SAV1: variants seen among roughly 807,000 people sequenced by gnomAD.
SAV1 encodes the protein protein salvador homolog 1.
A neutral mutation model predicts 47.3 loss-of-function variants in SAV1; 23 were observed. That is an observed-to-expected ratio of 0.49 (90% confidence interval 0.35 to 0.69). The LOEUF (loss-of-function observed/expected upper bound fraction) is 0.69. SAV1 is among the 30% of genes least tolerant of loss of function. The pLI is 0.01. For synonymous variants in SAV1, 155 were observed against 159.2 expected (o/e 0.97, Z 0.20); for missense variants, 448 against 457.4 (o/e 0.98, Z 0.19).
chr14:50,665,517 A>T lies in SAV1; in HGVS notation c.197T>A (p.Val66Glu). The stretch of plus-strand genomic sequence containing the variant: ...AAGGAAACTCTGGTTTCTTGAAACT[A>T]CATCTCCAGAAGTTGAAAAGGCATT... ...SPNAFSTSGDVVSRNQSFLRT... is the reference protein window; with the variant it reads ...SPNAFSTSGDEVSRNQSFLRT... The change falls in exon 2 of 5, where the codon GTA becomes GAA. Residue 66 changes from valine (V) to glutamate (E), a missense_variant. By Grantham distance (121) the Val-to-Glu change is moderately radical (BLOSUM62 -2). Transcript: ENST00000324679. The T allele has an allele frequency of 6.2e-7, 1 of 1,614,106 alleles. No individual in the cohort carries two copies. The highest frequency in any genetic ancestry group is 2.2e-5 in the East Asian group (1 of 44,874).
At chr14:50,663,116 A>G (rs2039873777) in intron 2 of SAV1, 1 of 152,224 alleles carries the variant, frequency 6.6e-6, no homozygotes, top group Non-Finnish European at 1.5e-5. Context: ...CAGTCATTAA[A>G]ACCACTCATA....
intron 2 of SAV1, among the ~76,000 whole-genome samples, chr14:50,650,713 G>C (rs780429690): frequency 6.6e-5 from 10 of 152,162 alleles, no homozygotes; most frequent in Admixed American, 6.5e-5. Context: ...TAACAGCCTT[G>C]TGAGTGAACT....
At position 50,634,037 on chromosome 14, in the gene SAV1, A is replaced by G. The variant is rs928525189; in HGVS notation, c.*1146T>C. Reference sequence around the variant, plus strand: ...AAAAGTAATAATATACATTCGATTTAATGACCAAAAATTTTTTTTGAATCC... The same window carrying G: ...AAAAGTAATAATATACATTCGATTTGATGACCAAAAATTTTTTTTGAATCC... On this transcript the variant is annotated 3_prime_UTR_variant, in exon 5 of 5. Coordinates refer to ENST00000324679, the MANE Select transcript of SAV1 (RefSeq NM_021818.4). 3 of 299,634 alleles carry G rather than the reference A, an allele frequency of 1.0e-5. No homozygotes were observed. Among genetic ancestry groups the G allele is most frequent in the African/African-American group, 6.5e-5 (3 of 45,892 alleles). The allele number at this position is 299,634 out of a possible 1,614,324, so 18.6% of individuals were successfully genotyped here. A position where few individuals can be genotyped will look rare whatever the true frequency, so the allele number is the denominator to read the frequency against.
chr14:50,654,452 TTTTAG>T (rs1287229958), intron 2 of SAV1, among the ~76,000 whole-genome samples: 2 of 152,230 alleles, frequency 1.3e-5, no homozygotes, highest in African/African-American at 4.8e-5. Flanking sequence ...CCACTTCTTA[TTTTAG>T]TTTAGTTTGC....
Position 50,659,983 on chromosome 14 carries a change from C to T in SAV1, c.535+5196G>A, listed in dbSNP as rs144794035. Among the ~76,000 whole-genome samples, 124 of 152,372 alleles carry T rather than the reference C, an allele frequency of 8.1e-4. 2 individuals carry two copies. The highest frequency in any genetic ancestry group is 3.0e-3 in the African/African-American group (123 of 41,600). ...GTGATCTCACCTCCTGCAAACTCTTCTGCTAAGCTATAGGTTTAAACAGTA... is the reference window on the plus strand; with the variant it reads ...GTGATCTCACCTCCTGCAAACTCTTTTGCTAAGCTATAGGTTTAAACAGTA... On this transcript the variant is annotated intron_variant, in intron 2 of 4. Transcript: ENST00000324679.
intron 3 of SAV1, 74 bp downstream of exon 3, chr14:50,644,670 A>G: frequency 4.4e-6 from 6 of 1,370,520 alleles, no homozygotes; most frequent in Non-Finnish European, 5.9e-6. Context: ...ATTCTCTTAG[A>G]TGAAAATATC....
intron 2 of SAV1, among the ~76,000 whole-genome samples, chr14:50,646,283 T>G (rs1161289052): frequency 6.6e-6 from 1 of 152,258 alleles, no homozygotes; most frequent in Non-Finnish European, 1.5e-5. Flanking sequence ...TCTCTCCCTC[T>G]CTCTTGAAAG....
intron 4 of SAV1, chr14:50,637,631 AAAGG>A (rs1390635914): frequency 6.6e-6 from 1 of 151,572 alleles, no homozygotes; most frequent in Non-Finnish European, 1.5e-5. Flanking sequence ...AGTTTTGTCT[AAAGG>A]AAGAAAAAAT....
At chr14:50,651,833 G>C (rs1333035828) in intron 2 of SAV1, among the ~76,000 whole-genome samples, 1 of 152,072 alleles carries the variant, frequency 6.6e-6, no homozygotes, top group African/African-American at 2.4e-5. Flanking sequence ...GTCTCACTAT[G>C]TTGCCCAGGC....
At position 50,640,909 on chromosome 14, in the gene SAV1, T is replaced by G. The variant is rs1445625619; in HGVS notation, c.807-16A>C. The G allele has an allele frequency of 1.9e-6, 3 of 1,584,130 alleles. No individual in the cohort carries two copies. The highest frequency in any genetic ancestry group is 2.6e-6 in the Non-Finnish European group (3 of 1,163,896). On this transcript the variant is annotated splice_polypyrimidine_tract_variant and intron_variant, in intron 3 of 4. Coordinates refer to ENST00000324679, the MANE Select transcript of SAV1 (RefSeq NM_021818.4). ...CCGAGGTACACTAAGAAGAAAGGAG[T>G]GACATTCTTTAGGATAAAGGTCTTA...
At chr14:50,665,130 G>A in intron 2 of SAV1, 49 bp downstream of exon 2, 2 of 1,456,622 alleles carry the variant, frequency 1.4e-6, no homozygotes, top group South Asian at 1.5e-5. Flanking sequence ...CTTTTTAATT[G>A]ACATGTCAAT....
In SAV1 at chr14:50,635,318, T is replaced by C. The variant is rs1266019664; in HGVS notation, c.1017A>G (p.Leu339=). 6.2e-7 allele frequency: 1 copy of C among 1,614,164 alleles called. No homozygotes were observed. Among genetic ancestry groups the C allele is most frequent in the East Asian group, 2.2e-5 (1 of 44,874 alleles). Residue 339 remains leucine (L), a synonymous_variant, in exon 5 of 5, where the codon CTA becomes CTG. Transcript: ENST00000324679. ...CCAATTCTTTCATGAAGAGCAACTTTAGCATTCCCTGGTATGTATCCAGGT... is the reference window on the plus strand; with the variant it reads ...CCAATTCTTTCATGAAGAGCAACTTCAGCATTCCCTGGTATGTATCCAGGT... ...LADLDTYQGM[L]KLLFMKELEQ...
chr14:50,637,690 A>G (rs1381977470), intron 4 of SAV1: 3 of 105,302 alleles, frequency 2.8e-5, no homozygotes, highest in Non-Finnish European at 5.3e-5. Flanking sequence ...TTTTTTTTTT[A>G]AGAGATGAAG....
rs192287555 is a variant in SAV1, at chr14:50,647,129, A to G, written c.536-2115T>C. Among the ~76,000 whole-genome samples the G allele has an allele frequency of 5.7e-3, 869 of 152,338 alleles. 5 individuals are homozygous for G. The highest frequency in any genetic ancestry group is 9.4e-3 in the Non-Finnish European group (636 of 68,014). ...AGATCATATATCTAAATTTAAAACT[A>G]TAACGCTTTTACAAGAAAAAAATAG... is the stretch of plus-strand genomic sequence containing the variant. On this transcript the variant is annotated intron_variant, in intron 2 of 4. Coordinates refer to ENST00000324679, the MANE Select transcript of SAV1 (RefSeq NM_021818.4).
rs920467130 is a variant in SAV1 at position 50,637,265 on chromosome 14, T to A, written c.951-1881A>T. Reference sequence around the variant, plus strand: ...TTTTTAATGGGAAACTCCAACCACTTGTGAACATAAATTAGAGTGATACTG... The same window carrying A: ...TTTTTAATGGGAAACTCCAACCACTAGTGAACATAAATTAGAGTGATACTG... On this transcript the variant is annotated intron_variant, in intron 4 of 4. Transcript: ENST00000324679. 2.6e-5 allele frequency among the ~76,000 whole-genome samples: 4 copies of A among 152,194 alleles called. No homozygotes were observed. In the South Asian group the frequency reaches 8.3e-4, roughly 31 times the overall value.
intron 2 of SAV1, among the ~76,000 whole-genome samples, chr14:50,655,049 T>C (rs1020838461): frequency 3.9e-5 from 6 of 152,204 alleles, no homozygotes; most frequent in Admixed American, 2.6e-4. Flanking sequence ...AGCCTTTTGG[T>C]GAAACTGACC....
In SAV1 at chr14:50,668,257, C is replaced by T. The variant is rs2039923086; in HGVS notation, c.-290G>A. 7.7e-5 allele frequency: 1 copy of T among 12,984 alleles called. No homozygotes were observed. The highest frequency in any genetic ancestry group is 2.9e-3 in the East Asian group (1 of 350). The allele number at this position is 12,984 out of a possible 1,614,324, so 0.8% of individuals were successfully genotyped here. ...TGAGGAAAGCCCAGCGACGCCGGGC[C>T]AGGGCCAGGGCCATGGTCCGCCGCG... is the stretch of plus-strand genomic sequence containing the variant. On this transcript the variant is annotated 5_prime_UTR_variant, in exon 1 of 5. Coordinates refer to ENST00000324679, the MANE Select transcript of SAV1 (RefSeq NM_021818.4).
rs375244136 is a variant in SAV1 at position 50,661,601 on chromosome 14, T to C, written c.535+3578A>G. 7.2e-5 allele frequency among the ~76,000 whole-genome samples: 11 copies of C among 152,326 alleles called. No homozygotes were observed. The East Asian group carries it at 7.7e-4, about 11-fold the overall frequency. On this transcript the variant is annotated intron_variant, in intron 2 of 4. Transcript: ENST00000324679. ...TCTTAAGTCTTTAATCCATCTCAAG[T>C]TGAATTTGCATATGGTGAGACAAGG...
intron 2 of SAV1, among the ~76,000 whole-genome samples, chr14:50,648,971 T>C (rs560048171): frequency 8.2e-4 from 125 of 152,188 alleles, no homozygotes; most frequent in Non-Finnish European, 1.3e-3. Flanking sequence ...TTGTATAACT[T>C]TCAATATGAA....
Sources: gnomAD v4.1 joint callset for allele counts (sites outside exome capture counted in the v4.1 genomes callset) on GRCh38, gnomAD v4.1.1 for gene constraint, MANE v1.5 for transcripts, NCBI Gene and HGNC (gene_info 2026-07-23, HGNC 2026-07-21) for gene names.